Variants in MPP4 observed in about 807,000 individuals in gnomAD.
The protein encoded by MPP4 is MAGUK p55 subfamily member 4.
A neutral mutation model predicts 98.3 loss-of-function variants in MPP4; 91 were observed. The ratio of observed to expected loss-of-function variants is 0.93; its 90% CI spans 0.78 to 1.10. The LOEUF (loss-of-function observed/expected upper bound fraction) is 1.10, where lower values mean the gene tolerates loss of function less well. MPP4 is among the 50% of genes least tolerant of loss of function. The probability of loss-of-function intolerance (pLI) is 0.00; values close to 1 mark genes in which losing one functional copy is unlikely to be tolerated. For synonymous variants in MPP4, 261 were observed against 271.8 expected (o/e 0.96, Z 0.39); for missense variants, 744 against 792.9 (o/e 0.94, Z 0.74).
chr2:201,685,011 T>A (rs1443489615), intron 7 of MPP4, 53 bp downstream of exon 7: 8 of 1,432,298 alleles, frequency 5.6e-6, no homozygotes, highest in South Asian at 3.7e-5. Flanking sequence ...GCCTAAACAG[T>A]CAAGGGTTTC....
intron 10 of MPP4, among the ~76,000 whole-genome samples, chr2:201,678,594 T>C (rs1688580874): frequency 6.6e-6 from 1 of 152,258 alleles, no homozygotes; most frequent in South Asian, 2.1e-4. Flanking sequence ...TCTACAGTGT[T>C]GATGCTCTCA....
chr2:201,649,189 C>A (rs1305693355), intron 20 of MPP4, among the ~76,000 whole-genome samples: 1 of 152,166 alleles, frequency 6.6e-6, no homozygotes, highest in Non-Finnish European at 1.5e-5. Flanking sequence ...CTCACCCCTG[C>A]TCCATTCTAC....
intron 3 of MPP4, among the ~76,000 whole-genome samples, chr2:201,692,543 CAAA>C (rs10618429): frequency 2.0e-3 from 262 of 129,772 alleles, no homozygotes; most frequent in Admixed American, 3.2e-3. Flanking sequence ...GACTCTGTCT[CAAA>C]AAAAAAAAAA....
chr2:201,650,823 G>T, intron 18 of MPP4: 4 of 985,344 alleles, frequency 4.1e-6, no homozygotes, highest in Non-Finnish European at 4.8e-6. Flanking sequence ...CTCTAGGAGG[G>T]AAAGATTAGC....
Position 201,660,307 on chromosome 2 carries a change from A to G in MPP4, c.1087+25T>C, listed in dbSNP as rs6704850. On this transcript the variant is annotated intron_variant, in intron 15 of 21. Coordinates refer to ENST00000409474, the MANE Select transcript of MPP4 (RefSeq NM_033066.3). ...GATCTTAAACATAGTTCTATTTGGT[A>G]TATCTAGGAAATAAAAACAATTACC... The G allele has an allele frequency of 4.6e-3, 7,358 of 1,592,502 alleles. 285 individuals are homozygous for G. The African/African-American group carries it at 0.084, about 18-fold the overall frequency.
Position 201,698,634 on chromosome 2 carries a change from T to C in MPP4, c.-148A>G. 1 of 1,301,888 alleles carries C rather than the reference T, an allele frequency of 7.7e-7. No homozygotes were observed. The highest frequency in any genetic ancestry group is 1.0e-6 in the Non-Finnish European group (1 of 988,136). 80.6% of individuals were successfully genotyped at this position (1,301,888 alleles called of 1,614,324 possible). A position where few individuals can be genotyped will look rare whatever the true frequency, so the allele number is the denominator to read the frequency against. On this transcript the variant is annotated 5_prime_UTR_variant, in exon 1 of 22. Coordinates refer to ENST00000409474, the MANE Select transcript of MPP4 (RefSeq NM_033066.3). The stretch of plus-strand genomic sequence containing the variant: ...GTTGCTCCTATCCAGACAAAAGCTT[T>C]AGTAGGATACTAGTGGCCTGTTAGC...
At chr2:201,679,434 C>G (rs1278277720) in intron 10 of MPP4, among the ~76,000 whole-genome samples, 1 of 152,150 alleles carries the variant, frequency 6.6e-6, no homozygotes, top group Non-Finnish European at 1.5e-5. Flanking sequence ...GCCCCCTTCC[C>G]CACCCTGCTC....
At chr2:201,698,275 G>A (rs1689249665) in intron 1 of MPP4, among the ~76,000 whole-genome samples, 1 of 152,162 alleles carries the variant, frequency 6.6e-6, no homozygotes, top group Non-Finnish European at 1.5e-5. Flanking sequence ...ACTTAATGAT[G>A]AGAAATGGCC....
At position 201,690,194 on chromosome 2, in the gene MPP4, C is replaced by T; in HGVS notation, c.279+8G>A. ...GCTCTACTATCCTGTGGAATAAAAT[C>T]TCCTTACCTCATAGGATAACACCTG... On this transcript the variant is annotated splice_region_variant and intron_variant, in intron 4 of 21. Coordinates refer to ENST00000409474, the MANE Select transcript of MPP4 (RefSeq NM_033066.3). 1 of 1,595,894 alleles carries T rather than the reference C, an allele frequency of 6.3e-7. No individual in the cohort carries two copies. The highest frequency in any genetic ancestry group is 1.1e-5 in the South Asian group (1 of 88,430).
intron 18 of MPP4, chr2:201,650,705 T>C: frequency 1.0e-6 from 1 of 985,422 alleles, no homozygotes; most frequent in South Asian, 4.7e-5. Context: ...AGATGAGTGT[T>C]TTTTACAACA....
chr2:201,693,917 T>C lies in MPP4; in HGVS notation c.38A>G (p.Lys13Arg), dbSNP rs1689107193. 6.2e-6 allele frequency: 10 copies of C among 1,614,010 alleles called. No individual in the cohort carries two copies. Among genetic ancestry groups the C allele is most frequent in the Non-Finnish European group, 7.6e-6 (9 of 1,179,866 alleles). The change falls in exon 2 of 22, where the codon AAG (lysine) becomes AGG (arginine). Residue 13 changes from lysine to arginine, a missense_variant. By Grantham distance (26) the Lys-to-Arg change is conservative. Transcript: ENST00000409474. ...GGCTGTAGAAAGCTTCATGTCCTTC[T>C]TGTCTGGTGGATCTGCTCCTTTGTC... ...QSDKGADPPDKKDMKLSTATN... is the reference protein window; with the variant it reads ...QSDKGADPPDRKDMKLSTATN...
intron 7 of MPP4, among the ~76,000 whole-genome samples, chr2:201,683,429 A>C (rs1183513284): frequency 6.6e-6 from 1 of 152,242 alleles, no homozygotes; most frequent in Non-Finnish European, 1.5e-5. Context: ...TGTCAACAGC[A>C]TCAGATGTGG....
intron 11 of MPP4, among the ~76,000 whole-genome samples, chr2:201,671,924 A>G (rs1446575272): frequency 6.6e-6 from 1 of 152,144 alleles, no homozygotes; most frequent in Non-Finnish European, 1.5e-5. Flanking sequence ...ACAGAACTCT[A>G]TACCCCAAAT....
At chr2:201,690,630 C>T (rs1004024340) in intron 3 of MPP4, among the ~76,000 whole-genome samples, 7 of 152,090 alleles carry the variant, frequency 4.6e-5, no homozygotes, top group African/African-American at 7.2e-5. Context: ...CATAAAGGAG[C>T]GTCTTAAAGG....
chr2:201,693,077 T>C (rs773264716), intron 2 of MPP4, 48 bp from the exon 3 acceptor site: 1 of 1,581,900 alleles, frequency 6.3e-7, no homozygotes, highest in Non-Finnish European at 8.6e-7. Context: ...CGGGTGTAAA[T>C]GTGAAAGGCA....
At chr2:201,651,219 C>A in intron 18 of MPP4, 1 of 985,410 alleles carries the variant, frequency 1.0e-6, no homozygotes, top group African/African-American at 1.7e-5. Flanking sequence ...AAGCTAGAAA[C>A]CGGCCTTAAA....
chr2:201,697,848 T>C (rs772427269), intron 1 of MPP4: 19 of 789,286 alleles, frequency 2.4e-5, no homozygotes, highest in Non-Finnish European at 2.8e-5. Context: ...AGAGTTAACA[T>C]GTAGTAAAAT....
intron 18 of MPP4, chr2:201,651,771 T>C (rs568156015): frequency 2.2e-6 from 1 of 463,412 alleles, no homozygotes; most frequent in African/African-American, 2.1e-5. Flanking sequence ...CTAGCCAACA[T>C]GGTGAAACCC....
At chr2:201,686,168 G>T in intron 5 of MPP4, 118 bp from the exon 6 acceptor site, 1 of 1,212,164 alleles carries the variant, frequency 8.2e-7, no homozygotes, top group Non-Finnish European at 1.1e-6. Context: ...ATACAGACAT[G>T]CCAGACACAG....
Sources: gnomAD v4.1 joint callset for allele counts (sites outside exome capture counted in the v4.1 genomes callset) on GRCh38, gnomAD v4.1.1 for gene constraint, MANE v1.5 for transcripts, NCBI Gene and HGNC (gene_info 2026-07-23, HGNC 2026-07-21) for gene names.